MAP4: variants seen among roughly 807,000 people sequenced by gnomAD.
MAP4 encodes microtubule associated protein 4.
MAP4 carries 76 observed loss-of-function variants against 170.2 expected under a neutral mutation model. The observed-to-expected ratio is 0.45, with a 90% CI of 0.37 to 0.54. MAP4 has a LOEUF of 0.54. MAP4 is among the 20% of genes least tolerant of loss of function. MAP4 has a pLI of 0.00. For missense variants in MAP4, 2,506 were observed against 2,748.0 expected, an observed-to-expected ratio of 0.91 and a Z score of 1.97; for synonymous variants, 909 against 994.5, an observed-to-expected ratio of 0.91 and a Z score of 1.62.
intron 1 of MAP4, among the ~76,000 whole-genome samples, chr3:48,009,888 TG>T (rs1254711646): frequency 6.6e-6 from 1 of 152,156 alleles, no homozygotes; most frequent in Non-Finnish European, 1.5e-5. Flanking sequence ...TCCATTAAAC[TG>T]GAAGTTAAGA....
At position 47,915,863 on chromosome 3, in the gene MAP4, T is replaced by C. The variant is rs891067903; in HGVS notation, c.1876+88A>G. ...TTGCAAAGTACAGTGTGACTGTCTG[T>C]ACTTTACCTGGCATGATGTTTGTCC... On this transcript the variant is annotated intron_variant, in intron 7 of 20. Coordinates refer to ENST00000683076, the MANE Select transcript of MAP4 (RefSeq NM_001385682.1). 6 of 1,439,572 alleles carry C rather than the reference T, an allele frequency of 4.2e-6. No individual in the cohort carries two copies. The South Asian group carries it at 6.7e-5, about 16-fold the overall frequency. 89.2% of individuals were successfully genotyped at this position (1,439,572 alleles called of 1,614,324 possible).
chr3:47,906,795 T>TAA (rs541813765), intron 9 of MAP4, among the ~76,000 whole-genome samples: 9 of 139,968 alleles, frequency 6.4e-5, no homozygotes, highest in African/African-American at 1.6e-4. Flanking sequence ...GAAAAAAGAT[T>TAA]AAAAAAAAAA....
chr3:48,043,262 G>A (rs1255134887), intron 1 of MAP4, among the ~76,000 whole-genome samples: 1 of 151,962 alleles, frequency 6.6e-6, no homozygotes, highest in Non-Finnish European at 1.5e-5. Flanking sequence ...CGCCATGCCC[G>A]GCTAATTTTT....
intron 17 of MAP4, among the ~76,000 whole-genome samples, chr3:47,863,937 T>TGTGTGTGTGGGGG (rs374208589): frequency 7.2e-6 from 1 of 138,354 alleles, no homozygotes; most frequent in African/African-American, 2.7e-5. Flanking sequence ...TGTGTGTGTG[T>TGTGTGTGTGGGGG]GGGGAGTGGT....
chr3:47,930,591 G>T (rs2100049154), intron 3 of MAP4, among the ~76,000 whole-genome samples: 1 of 152,058 alleles, frequency 6.6e-6, no homozygotes, highest in African/African-American at 2.4e-5. Context: ...ATGTAGAAGA[G>T]ATTATAATCT....
At chr3:47,969,411 G>A (rs2100077163) in intron 3 of MAP4, among the ~76,000 whole-genome samples, 1 of 82,740 alleles carries the variant, frequency 1.2e-5, no homozygotes, top group South Asian at 5.5e-4. Flanking sequence ...TGTCTCGCGG[G>A]GCGCGGGGAG....
chr3:48,075,304 C>T (rs1330907904), intron 1 of MAP4, among the ~76,000 whole-genome samples: 1 of 152,042 alleles, frequency 6.6e-6, no homozygotes. Flanking sequence ...TCAGGCGGAT[C>T]ACTTGAGGTC....
At chr3:47,941,786 CAAAAA>C (rs35079131) in intron 3 of MAP4, among the ~76,000 whole-genome samples, 1 of 61,554 alleles carries the variant, frequency 1.6e-5, no homozygotes. Flanking sequence ...GACTCCGTCT[CAAAAA>C]AAAAAAAAAA....
At chr3:47,975,007 C>T (rs2100081134) in intron 3 of MAP4, 2 of 991,074 alleles carry the variant, frequency 2.0e-6, no homozygotes, top group South Asian at 4.6e-5. Context: ...TGGCCTCAAC[C>T]CCTTTATGAA....
chr3:47,931,385 G>A (rs1041453217), intron 3 of MAP4, among the ~76,000 whole-genome samples: 2 of 152,156 alleles, frequency 1.3e-5, no homozygotes, highest in African/African-American at 4.8e-5. Context: ...AAAAAAGGCT[G>A]TACAAAAAGA....
chr3:47,887,335 G>A (rs2097769061), intron 10 of MAP4, among the ~76,000 whole-genome samples: 1 of 152,256 alleles, frequency 6.6e-6, no homozygotes, highest in Admixed American at 6.5e-5. Flanking sequence ...GGGCAATGGG[G>A]GACTTAGCAC....
At chr3:47,982,418 A>G (rs1277901780) in intron 2 of MAP4, among the ~76,000 whole-genome samples, 2 of 152,220 alleles carry the variant, frequency 1.3e-5, no homozygotes, top group Non-Finnish European at 2.9e-5. Flanking sequence ...TTCCAATGAT[A>G]AAGAACAGCT....
upstream of MAP4, among the ~76,000 whole-genome samples, chr3:48,016,688 A>G (rs898500997): frequency 2.6e-5 from 4 of 152,148 alleles, no homozygotes; most frequent in Non-Finnish European, 5.9e-5. Context: ...TAAACTTTAC[A>G]TTTATCCCAC....
In MAP4 at chr3:47,892,802, T is replaced by C. The variant is rs368148004; in HGVS notation, c.5434+10148A>G. 30 of 1,157,580 alleles carry C rather than the reference T, an allele frequency of 2.6e-5. 1 individual carries two copies. In the African/African-American group the frequency reaches 4.6e-4, roughly 18 times the overall value. 71.7% of individuals were successfully genotyped at this position (1,157,580 alleles called of 1,614,324 possible). On this transcript the variant is annotated intron_variant, in intron 10 of 20. Transcript: ENST00000683076. ...TAGCACTCTGTTTAGATCTGCAATTTAAAACACAGTATGGTGCCAATCCAA... is the reference window on the plus strand; with the variant it reads ...TAGCACTCTGTTTAGATCTGCAATTCAAAACACAGTATGGTGCCAATCCAA...
chr3:48,070,129 C>G (rs1425230530), intron 1 of MAP4, among the ~76,000 whole-genome samples: 3 of 151,740 alleles, frequency 2.0e-5, no homozygotes, highest in African/African-American at 7.3e-5. Flanking sequence ...ACCACCATGG[C>G]TAGATAATTT....
Position 48,075,889 on chromosome 3 carries a change from C to T in MAP4, c.-20+12884G>A, listed in dbSNP as rs193080919. ...ACTTGGGAGGCTGAGGCAGGAGAAT[C>T]GCTTGAACCCGGGAGGTGGAGGCTG... is the stretch of plus-strand genomic sequence containing the variant. On this transcript the variant is annotated intron_variant, in intron 1 of 18. Coordinates refer to the MAP4 transcript ENST00000360240. Among the ~76,000 whole-genome samples, 435 of 148,126 alleles carry T rather than the reference C, an allele frequency of 2.9e-3. 2 individuals are homozygous for T. Among genetic ancestry groups the T allele is most frequent in the Non-Finnish European group, 4.2e-3 (279 of 66,926 alleles).
Position 47,918,749 on chromosome 3 carries a change from C to G in MAP4, c.622G>C (p.Ala208Pro). ...PHSESFVSPE[A>P]VAEPPQPTAV... ...GTTGGCTGAGGAGGTTCTGCAACAG[C>G]CTCTGGGGAAACAAAGGACTCTGAG... Residue 208 changes from alanine (A) to proline (P), a missense_variant, in exon 6 of 21, where the codon GCT becomes CCT. Physicochemically the swap from Ala to Pro is conservative, Grantham distance 27. This residue lies in a region of MAP4 where 2,008 missense variants were observed against 2,206.0 expected (regional missense o/e 0.91). Coordinates refer to ENST00000683076, the MANE Select transcript of MAP4 (RefSeq NM_001385682.1). The G allele has an allele frequency of 6.2e-7, 1 of 1,611,534 alleles. No individual in the cohort carries two copies.
chr3:48,018,881 T>C (rs1373509784), upstream of MAP4, among the ~76,000 whole-genome samples: 2 of 152,214 alleles, frequency 1.3e-5, no homozygotes, highest in Admixed American at 6.5e-5. Context: ...GCAAGCATGT[T>C]GTCTGGAATT....
At chr3:47,854,553 C>T (rs957650451) in intron 19 of MAP4, among the ~76,000 whole-genome samples, 7 of 152,200 alleles carry the variant, frequency 4.6e-5, no homozygotes, top group Admixed American at 3.3e-4. Context: ...CCCTCATGGG[C>T]CCCCCACCCA....
Sources: gnomAD v4.1 joint callset for allele counts (sites outside exome capture counted in the v4.1 genomes callset) on GRCh38, gnomAD v4.1.1 for gene constraint, gnomAD v4.1.1 regional missense constraint, MANE v1.5 for transcripts, NCBI Gene and HGNC (gene_info 2026-07-23, HGNC 2026-07-21) for gene names.